MRRF: variants seen among roughly 807,000 people sequenced by gnomAD.
MRRF encodes ribosome-recycling factor, mitochondrial.
MRRF carries 18 observed loss-of-function variants against 25.1 expected under a neutral mutation model. That is an observed-to-expected ratio of 0.72 (90% CI 0.50 to 1.06). The LOEUF (loss-of-function observed/expected upper bound fraction) is 1.06, where lower values mean the gene tolerates loss of function less well. MRRF is among the 50% of genes least tolerant of loss of function. The pLI, the probability that MRRF is intolerant of heterozygous loss-of-function variation, is 0.00. For synonymous variants in MRRF, 113 were observed against 112.1 expected, an observed-to-expected ratio of 1.01 and a Z score of -0.05; for missense variants, 323 against 319.3, an observed-to-expected ratio of 1.01 and a Z score of -0.09.
chr9:122,298,743 C>T (rs1327436293), intron 5 of MRRF, among the ~76,000 whole-genome samples: 2 of 152,128 alleles, frequency 1.3e-5, no homozygotes, highest in Non-Finnish European at 2.9e-5. Context: ...AACCTTTGCC[C>T]TTAATGGAAC....
chr9:122,278,062 C>A (rs1049702547), intron 2 of MRRF, among the ~76,000 whole-genome samples: 2 of 151,968 alleles, frequency 1.3e-5, no homozygotes, highest in African/African-American at 4.8e-5. Flanking sequence ...ATTTAAAGTT[C>A]TTTTAGCTGT....
At chr9:122,271,139 C>T (rs1832432614) in intron 2 of MRRF, 64 bp downstream of exon 2, 1 of 1,369,550 alleles carries the variant, frequency 7.3e-7, no homozygotes, top group Non-Finnish European at 1.0e-6. Flanking sequence ...TGAATTATAG[C>T]TGGCAGGTAT....
intron 3 of MRRF, among the ~76,000 whole-genome samples, chr9:122,284,073 A>G (rs186425406): frequency 7.9e-4 from 121 of 152,228 alleles, no homozygotes; most frequent in African/African-American, 2.8e-3. Flanking sequence ...AAATGGTTCC[A>G]AATCTGGCTG....
chr9:122,271,960 A>G (rs1832489969), intron 2 of MRRF, among the ~76,000 whole-genome samples: 1 of 152,210 alleles, frequency 6.6e-6, no homozygotes. Flanking sequence ...CTGTAATAGG[A>G]AAATTAACAA....
At chr9:122,280,396 T>C (rs754789921) in intron 2 of MRRF, 47 bp from the exon 3 acceptor site, 2 of 1,608,548 alleles carry the variant, frequency 1.2e-6, no homozygotes, top group East Asian at 2.2e-5. Context: ...GCTTATTGGC[T>C]CTGTTTATGC....
At chr9:122,305,706 C>G (rs1047627527) in intron 5 of MRRF, among the ~76,000 whole-genome samples, 2 of 152,174 alleles carry the variant, frequency 1.3e-5, no homozygotes, top group Non-Finnish European at 2.9e-5. Flanking sequence ...TCCTTATCTT[C>G]TTCTCTTGCT....
intron 5 of MRRF, among the ~76,000 whole-genome samples, chr9:122,294,231 G>A (rs1055329409): frequency 6.6e-6 from 1 of 152,174 alleles, no homozygotes; most frequent in African/African-American, 2.4e-5. Flanking sequence ...GCTACTAAAT[G>A]CTCATTGCTG....
intron 4 of MRRF, chr9:122,285,964 A>G: frequency 7.7e-7 from 1 of 1,304,044 alleles, no homozygotes. Context: ...GTATTAGGTC[A>G]TTGCATCTTT....
intron 2 of MRRF, among the ~76,000 whole-genome samples, chr9:122,273,171 G>A (rs1025284861): frequency 3.9e-5 from 6 of 152,146 alleles, no homozygotes; most frequent in African/African-American, 1.2e-4. Flanking sequence ...CTTGCACAAG[G>A]CCAGGAGTGG....
intron 6 of MRRF, among the ~76,000 whole-genome samples, chr9:122,316,646 T>A (rs1322263899): frequency 1.3e-5 from 2 of 152,122 alleles, no homozygotes; most frequent in South Asian, 4.1e-4. Flanking sequence ...GTTTTAAAGA[T>A]ATAAAACAAG....
chr9:122,284,052 G>A (rs1044123223), intron 3 of MRRF, among the ~76,000 whole-genome samples: 1 of 151,890 alleles, frequency 6.6e-6, no homozygotes, highest in Non-Finnish European at 1.5e-5. Context: ...AAAATGAAGG[G>A]TCGTATAAGC....
intron 6 of MRRF, among the ~76,000 whole-genome samples, chr9:122,317,298 G>A (rs960425390): frequency 6.6e-6 from 1 of 151,972 alleles, no homozygotes; most frequent in Admixed American, 6.6e-5. Flanking sequence ...TCTGGGAACT[G>A]TTGCTTTTAC....
chr9:122,286,031 T>G, intron 4 of MRRF: 2 of 1,298,672 alleles, frequency 1.5e-6, no homozygotes, highest in South Asian at 2.5e-5. Context: ...TTGTTATTGG[T>G]CCACTAGGAA....
chr9:122,297,591 T>G, intron 5 of MRRF, among the ~76,000 whole-genome samples: 1 of 152,178 alleles, frequency 6.6e-6, no homozygotes, highest in Non-Finnish European at 1.5e-5. Flanking sequence ...AAGTGTCAAG[T>G]ATCTTAGTTT....
intron 4 of MRRF, among the ~76,000 whole-genome samples, chr9:122,290,142 A>G (rs1323480807): frequency 6.6e-6 from 1 of 152,214 alleles, no homozygotes; most frequent in East Asian, 1.9e-4. Context: ...GGATCTGGAA[A>G]AAAGTAAAGG....
At chr9:122,281,746 T>C (rs904476293) in intron 3 of MRRF, among the ~76,000 whole-genome samples, 1 of 152,140 alleles carries the variant, frequency 6.6e-6, no homozygotes, top group African/African-American at 2.4e-5. Flanking sequence ...TACTTAAAAT[T>C]AGCCAGCAAG....
At chr9:122,304,541 C>A (rs1834709321) in intron 5 of MRRF, among the ~76,000 whole-genome samples, 1 of 152,194 alleles carries the variant, frequency 6.6e-6, no homozygotes. Flanking sequence ...GCAAAAATTG[C>A]ACCCAAAAGG....
chr9:122,311,490 G>C (rs1325693346), intron 5 of MRRF, among the ~76,000 whole-genome samples: 2 of 152,208 alleles, frequency 1.3e-5, no homozygotes, highest in Non-Finnish European at 2.9e-5. Context: ...TAATAGTGTG[G>C]TAATGTCACA....
intron 6 of MRRF, among the ~76,000 whole-genome samples, chr9:122,319,902 A>T (rs1259682639): frequency 7.6e-6 from 1 of 131,754 alleles, no homozygotes; most frequent in Non-Finnish European, 1.6e-5. Flanking sequence ...TTTTTGAGAG[A>T]GAGTCTCTGT....
Sources: gnomAD v4.1 joint callset for allele counts (sites outside exome capture counted in the v4.1 genomes callset) on GRCh38, gnomAD v4.1.1 for gene constraint, MANE v1.5 for transcripts, NCBI Gene and HGNC (gene_info 2026-07-23, HGNC 2026-07-21) for gene names.